The following ADCY8 variants were observed in gnomAD, a reference collection of about 807,000 sequenced individuals.
The protein encoded by ADCY8 is adenylate cyclase type 8.
ADCY8 carries 51 observed loss-of-function variants against 119.7 expected under a neutral mutation model. The observed-to-expected ratio is 0.43, with a 90% confidence interval of 0.34 to 0.54. The LOEUF (loss-of-function observed/expected upper bound fraction) is 0.54, where lower values mean the gene tolerates loss of function less well. Among genes scored for constraint, ADCY8 ranks in the 20% least tolerant of loss-of-function variants. ADCY8 has a pLI of 0.03. For missense variants in ADCY8, 1,383 were observed against 1,598.8 expected (o/e 0.87, Z 2.30); for synonymous variants, 665 against 651.0 (o/e 1.02, Z -0.33).
At chr8:130,909,563 A>G in intron 6 of ADCY8, 145 bp downstream of exon 6, 2 of 962,266 alleles carry the variant, frequency 2.1e-6, no homozygotes, top group Non-Finnish European at 3.2e-6. Flanking sequence ...GGAAGCTAAT[A>G]GTTGTATGAT....
At chr8:131,006,860 T>C (rs1362457895) in intron 1 of ADCY8, among the ~76,000 whole-genome samples, 1 of 152,182 alleles carries the variant, frequency 6.6e-6, no homozygotes, top group East Asian at 1.9e-4. Context: ...ATGACAACGT[T>C]TCCATGGAGG....
intron 1 of ADCY8, among the ~76,000 whole-genome samples, chr8:130,998,659 C>T (rs901396819): frequency 6.6e-6 from 1 of 152,138 alleles, no homozygotes; most frequent in Non-Finnish European, 1.5e-5. Context: ...CAAGGACAGT[C>T]AGGGAGACAA....
At chr8:131,018,171 C>T (rs1312930984) in intron 1 of ADCY8, among the ~76,000 whole-genome samples, 1 of 152,148 alleles carries the variant, frequency 6.6e-6, no homozygotes, top group Non-Finnish European at 1.5e-5. Context: ...AGTTCTGATA[C>T]TGTCTTCTTT....
intron 1 of ADCY8, among the ~76,000 whole-genome samples, chr8:130,994,503 G>A (rs1290043219): frequency 2.0e-5 from 3 of 152,142 alleles, no homozygotes; most frequent in Non-Finnish European, 4.4e-5. Context: ...ATCCTATTTA[G>A]ACACATTGCC....
In ADCY8 at chr8:130,870,018, CT is replaced by C. The variant is rs563831552; in HGVS notation, c.2110-2073del. ...TCTCCTCTTCCTCTTCTTTCTTCTT[CT>C]TTTTTTTTTTTTTGATGGAGTCTTG... is the stretch of plus-strand genomic sequence containing the variant. On this transcript the variant is annotated intron_variant, in intron 8 of 17. Coordinates refer to ENST00000286355, the MANE Select transcript of ADCY8 (RefSeq NM_001115.3). Among the ~76,000 whole-genome samples the C allele has an allele frequency of 3.4e-3, 393 of 115,820 alleles. 2 individuals are homozygous for C. Among genetic ancestry groups the C allele is most frequent in the African/African-American group, 6.4e-3 (207 of 32,472 alleles). The allele number at this position is 115,820 out of a possible 152,430, so 76.0% of individuals were successfully genotyped here.
intron 8 of ADCY8, among the ~76,000 whole-genome samples, chr8:130,873,869 A>G (rs1818457049): frequency 6.6e-6 from 1 of 152,118 alleles, no homozygotes. Context: ...ATCTTTTATT[A>G]GTATATATTA....
intron 6 of ADCY8, among the ~76,000 whole-genome samples, chr8:130,907,843 C>G (rs1238029114): frequency 2.6e-5 from 4 of 152,160 alleles, no homozygotes; most frequent in Admixed American, 2.6e-4. Context: ...AACCCTCACA[C>G]AGGTAGTGAA....
intron 9 of ADCY8, among the ~76,000 whole-genome samples, chr8:130,867,532 C>T (rs1163339261): frequency 6.6e-6 from 1 of 150,996 alleles, no homozygotes; most frequent in African/African-American, 2.5e-5. Context: ...AACAAAAGCA[C>T]AAGTAAATGG....
intron 1 of ADCY8, among the ~76,000 whole-genome samples, chr8:130,991,418 T>A (rs1041551121): frequency 2.0e-4 from 30 of 152,252 alleles, no homozygotes; most frequent in Admixed American, 1.4e-3. Context: ...AAGAACCCGG[T>A]GAAAGAAAAC....
intron 5 of ADCY8, among the ~76,000 whole-genome samples, chr8:130,930,014 A>G (rs1338152165): frequency 6.6e-6 from 1 of 152,098 alleles, no homozygotes; most frequent in Non-Finnish European, 1.5e-5. Context: ...CTTTCAATCT[A>G]TGTGTGTCCT....
chr8:130,898,506 A>T (rs1173694354), intron 7 of ADCY8, among the ~76,000 whole-genome samples: 1 of 151,998 alleles, frequency 6.6e-6, no homozygotes, highest in African/African-American at 2.4e-5. Context: ...ATTGCATAGA[A>T]ATGACTAAAA....
intron 1 of ADCY8, among the ~76,000 whole-genome samples, chr8:131,002,213 G>A (rs1455824908): frequency 6.6e-6 from 1 of 152,222 alleles, no homozygotes; most frequent in Non-Finnish European, 1.5e-5. Context: ...CAGAAGACCT[G>A]TAACACAATC....
At position 131,001,875 on chromosome 8, in the gene ADCY8, G is replaced by A. The variant is rs137883757; in HGVS notation, c.961-11333C>T. Among the ~76,000 whole-genome samples the A allele has an allele frequency of 2.4e-3, 371 of 152,226 alleles. 2 individuals are homozygous for A. Among genetic ancestry groups the A allele is most frequent in the African/African-American group, 8.6e-3 (357 of 41,538 alleles). ...ACGGTGCTTTACAAAGAACATTTAT[G>A]TCCATTATTTACTCTGCAGGGAAAA... On this transcript the variant is annotated intron_variant, in intron 1 of 17. Coordinates refer to ENST00000286355, the MANE Select transcript of ADCY8 (RefSeq NM_001115.3).
intron 9 of ADCY8, among the ~76,000 whole-genome samples, chr8:130,854,880 C>T (rs1817667838): frequency 8.2e-6 from 1 of 122,134 alleles, no homozygotes; most frequent in South Asian, 3.1e-4. Context: ...ACCTCTCTTT[C>T]TTTTCCCTTT....
chr8:130,908,409 C>T (rs2130545676), intron 6 of ADCY8, among the ~76,000 whole-genome samples: 1 of 152,264 alleles, frequency 6.6e-6, no homozygotes, highest in Middle Eastern at 3.4e-3. Flanking sequence ...ATCAGACCTT[C>T]CTCAATTCTA....
intron 7 of ADCY8, among the ~76,000 whole-genome samples, chr8:130,893,176 A>G (rs570382532): frequency 6.6e-6 from 1 of 152,322 alleles, no homozygotes; most frequent in East Asian, 1.9e-4. Context: ...TTGACGCCAC[A>G]TGATTTGAGG....
chr8:130,957,641 G>A (rs6987807), intron 2 of ADCY8, among the ~76,000 whole-genome samples: 121,522 of 152,112 alleles, frequency 0.8, 51,584 homozygotes, highest in East Asian at 0.95. Context: ...AGACCCAGAG[G>A]CCTAGGAAAA....
intron 2 of ADCY8, among the ~76,000 whole-genome samples, chr8:130,973,406 C>T (rs931099197): frequency 3.9e-5 from 6 of 152,182 alleles, no homozygotes; most frequent in African/African-American, 1.2e-4. Flanking sequence ...TGCTTGGAAC[C>T]GTGAGACAAC....
At chr8:130,901,287 A>G (rs1315933352) in intron 7 of ADCY8, among the ~76,000 whole-genome samples, 4 of 136,182 alleles carry the variant, frequency 2.9e-5, no homozygotes. Flanking sequence ...GGCTTGTAAT[A>G]GATGCTCAAT....
Sources: allele counts gnomAD v4.1 joint callset (sites outside exome capture counted in the v4.1 genomes callset), GRCh38; gene constraint gnomAD v4.1.1; transcripts MANE v1.5; gene names NCBI Gene and HGNC (gene_info 2026-07-23, HGNC 2026-07-21).